The following SAXO1 variants were observed in gnomAD, a reference collection of about 807,000 sequenced individuals.
SAXO1 encodes the protein 4930500O09Rik.
A neutral mutation model predicts 17.5 loss-of-function variants in SAXO1; 21 were observed. The ratio of observed to expected loss-of-function variants is 1.20; its 90% CI spans 0.85 to 1.72. SAXO1 has a LOEUF of 1.72. Among genes scored for constraint, SAXO1 ranks in the 40% most tolerant of loss-of-function variants. SAXO1 has a pLI of 0.00. For synonymous variants in SAXO1, 274 were observed against 216.5 expected (o/e 1.27, Z -2.33); for missense variants, 843 against 596.0 (o/e 1.41, Z -4.32).
At chr9:18,950,961 T>A (rs1467636255) in intron 1 of SAXO1, 24 bp from the exon 2 acceptor site, 1 of 1,591,774 alleles carries the variant, frequency 6.3e-7, no homozygotes, top group South Asian at 1.1e-5. Flanking sequence ...AGAGTTAGGT[T>A]GATTACCTTC....
chr9:18,957,803 G>A (rs190990678), intron 1 of SAXO1, among the ~76,000 whole-genome samples: 27 of 152,202 alleles, frequency 1.8e-4, no homozygotes, highest in African/African-American at 6.5e-4. Flanking sequence ...CAACCCAACT[G>A]GCCTCAGGGA....
chr9:18,937,246 C>T (rs887403530), intron 3 of SAXO1, among the ~76,000 whole-genome samples: 2 of 152,188 alleles, frequency 1.3e-5, no homozygotes, highest in African/African-American at 4.8e-5. Flanking sequence ...TGGGCCTTCT[C>T]AATCCTCACT....
chr9:19,001,495 G>T (rs564663905), intron 1 of SAXO1, among the ~76,000 whole-genome samples: 1 of 151,978 alleles, frequency 6.6e-6, no homozygotes, highest in Non-Finnish European at 1.5e-5. Context: ...GTGAAACCCC[G>T]TCTCTACTAA....
intron 1 of SAXO1, among the ~76,000 whole-genome samples, chr9:19,008,339 G>A (rs1834574996): frequency 6.6e-6 from 1 of 152,108 alleles, no homozygotes; most frequent in East Asian, 1.9e-4. Context: ...CTCAGTAAAG[G>A]ACGAAATGCA....
chr9:18,958,667 T>C (rs1832353380), intron 1 of SAXO1, among the ~76,000 whole-genome samples: 1 of 151,778 alleles, frequency 6.6e-6, no homozygotes, highest in African/African-American at 2.4e-5. Context: ...ACTACCTAGA[T>C]CAATTAAGCC....
At chr9:18,991,853 G>T (rs1395024766) in intron 1 of SAXO1, among the ~76,000 whole-genome samples, 1 of 152,132 alleles carries the variant, frequency 6.6e-6, no homozygotes, top group Non-Finnish European at 1.5e-5. Context: ...GAAAGTTGGA[G>T]GACTGCTGCT....
intron 3 of SAXO1, among the ~76,000 whole-genome samples, chr9:18,939,464 A>G (rs1195277625): frequency 6.6e-6 from 1 of 152,238 alleles, no homozygotes; most frequent in African/African-American, 2.4e-5. Context: ...ATGATAAGAC[A>G]GGGGAGTGCA....
Position 18,933,843 on chromosome 9 carries a change from A to G in SAXO1, c.422-4788T>C, listed in dbSNP as rs368354432. Among the ~76,000 whole-genome samples the G allele has an allele frequency of 4.2e-3, 638 of 152,280 alleles. 2 individuals carry two copies. Among genetic ancestry groups the G allele is most frequent in the African/African-American group, 7.9e-3 (330 of 41,578 alleles). ...GGGCTGATCACGAGGTCAGGAGATCAAGACCATCCTGGCCAACATGGTGAA... is the reference window on the plus strand; with the variant it reads ...GGGCTGATCACGAGGTCAGGAGATCGAGACCATCCTGGCCAACATGGTGAA... On this transcript the variant is annotated intron_variant, in intron 3 of 3. Transcript: ENST00000380534.
At chr9:18,933,853 T>C (rs960133334) in intron 3 of SAXO1, among the ~76,000 whole-genome samples, 4 of 152,184 alleles carry the variant, frequency 2.6e-5, no homozygotes, top group South Asian at 2.1e-4. Flanking sequence ...AAGACCATCC[T>C]GGCCAACATG....
chr9:18,947,243 A>T (rs910374168), intron 2 of SAXO1, among the ~76,000 whole-genome samples: 11 of 152,138 alleles, frequency 7.2e-5, no homozygotes, highest in Non-Finnish European at 8.8e-5. Context: ...TATATATATA[A>T]AATTCAATGG....
At chr9:18,941,898 T>C in intron 2 of SAXO1, 59 bp from the exon 3 acceptor site, 1 of 1,510,912 alleles carries the variant, frequency 6.6e-7, no homozygotes, top group Non-Finnish European at 9.2e-7. Context: ...GCTTATGTTT[T>C]CTGCTCAACC....
intron 1 of SAXO1, among the ~76,000 whole-genome samples, chr9:19,000,956 C>T (rs1356906956): frequency 6.6e-6 from 1 of 152,160 alleles, no homozygotes; most frequent in Admixed American, 6.5e-5. Flanking sequence ...TAGAGATCTA[C>T]AAAGACACTT....
In SAXO1 at chr9:18,999,282, T is replaced by C. The variant is rs1255959318; in HGVS notation, c.38+33589A>G. Among the ~76,000 whole-genome samples the C allele has an allele frequency of 2.6e-5, 4 of 152,172 alleles. No homozygotes were observed. The East Asian group carries it at 7.7e-4, about 29-fold the overall frequency. On this transcript the variant is annotated intron_variant, in intron 1 of 3. Transcript: ENST00000380534. ...CCGTCTGGGATCTGAGGAGTGCCTC[T>C]GCCCAGCGACCGCCCTGTCTGGGAT... is the stretch of plus-strand genomic sequence containing the variant.
intron 1 of SAXO1, chr9:19,027,736 C>T (rs1354312630): frequency 7.6e-6 from 11 of 1,449,374 alleles, no homozygotes; most frequent in South Asian, 1.2e-5. Flanking sequence ...GCGAGAAGTC[C>T]GGGGACCGAG....
chr9:18,931,815 C>A (rs1212248274), intron 3 of SAXO1, among the ~76,000 whole-genome samples: 1 of 152,170 alleles, frequency 6.6e-6, no homozygotes, highest in Non-Finnish European at 1.5e-5. Context: ...TCTTCATGTG[C>A]TTTCATTGGT....
At chr9:19,017,283 C>A (rs1418546021) in intron 1 of SAXO1, among the ~76,000 whole-genome samples, 1 of 152,214 alleles carries the variant, frequency 6.6e-6, no homozygotes, top group Non-Finnish European at 1.5e-5. Context: ...ATTGGGTACT[C>A]TGCTAACTTC....
chr9:18,998,375 A>C (rs1834098816), intron 1 of SAXO1, among the ~76,000 whole-genome samples: 1 of 152,156 alleles, frequency 6.6e-6, no homozygotes, highest in Non-Finnish European at 1.5e-5. Context: ...GCAATTAAAG[A>C]TCAAATTAAT....
intron 3 of SAXO1, among the ~76,000 whole-genome samples, chr9:18,931,237 T>G (rs949520205): frequency 2.6e-5 from 4 of 152,210 alleles, no homozygotes; most frequent in African/African-American, 9.7e-5. Flanking sequence ...ACTGCGCATT[T>G]TTTGGACATT....
chr9:19,042,860 C>T (rs1836109762), intron 1 of SAXO1, among the ~76,000 whole-genome samples: 1 of 148,432 alleles, frequency 6.7e-6, no homozygotes, highest in Non-Finnish European at 1.5e-5. Context: ...AAAACTCTGC[C>T]TCATAAAGAG....
Sources: gnomAD v4.1 joint callset for allele counts (sites outside exome capture counted in the v4.1 genomes callset) on GRCh38, gnomAD v4.1.1 for gene constraint, MANE v1.5 for transcripts, NCBI Gene and HGNC (gene_info 2026-07-23, HGNC 2026-07-21) for gene names.